Variants in PSMA4 observed in about 807,000 individuals in gnomAD.
PSMA4 encodes the protein proteasome 20S subunit alpha 4.
In PSMA4, 8 loss-of-function variants were observed where a neutral mutation model predicts 37.2. The observed-to-expected ratio is 0.22, with a 90% CI of 0.13 to 0.39. The LOEUF (loss-of-function observed/expected upper bound fraction) is 0.39. Ranked by LOEUF, PSMA4 falls within the 10% of genes least tolerant of loss-of-function variation. The pLI, the probability that PSMA4 is intolerant of heterozygous loss-of-function variation, is 1.00. For synonymous variants in PSMA4, 93 were observed against 98.8 expected (o/e 0.94, Z 0.35); for missense variants, 169 against 305.1 (o/e 0.55, Z 3.32).
chr15:78,544,319 CT>C (rs751005514), intron 5 of PSMA4, 52 bp downstream of exon 5: 187,321 of 1,015,902 alleles, frequency 0.18, 4 homozygotes, highest in South Asian at 0.21. Context: ...TTTGATGTTT[CT>C]TTTTTTTTTT....
At chr15:78,547,847 A>AT (rs2052581375) in intron 8 of PSMA4, among the ~76,000 whole-genome samples, 1 of 152,086 alleles carries the variant, frequency 6.6e-6, no homozygotes, top group Non-Finnish European at 1.5e-5. Context: ...AAAAAAAAAA[A>AT]GAATATTTCT....
In PSMA4 at chr15:78,544,850, G is replaced by A; in HGVS notation, c.288-19G>A. The stretch of plus-strand genomic sequence containing the variant: ...GTGTTTTAGAGAAAACTACTAATGT[G>A]CCCATCTCTTTATCCTAGGTATTTA... On this transcript the variant is annotated intron_variant, in intron 5 of 8. Transcript: ENST00000044462. The A allele has an allele frequency of 6.6e-7, 1 of 1,520,184 alleles. No individual in the cohort carries two copies. The highest frequency in any genetic ancestry group is 9.1e-7 in the Non-Finnish European group (1 of 1,098,898). 94.2% of individuals were successfully genotyped at this position (1,520,184 alleles called of 1,614,324 possible).
At position 78,550,534 on chromosome 15, in the gene PSMA4, G is replaced by A. The variant is rs1193040127; in HGVS notation, c.*1590G>A. 2 of 151,860 alleles carry A rather than the reference G, an allele frequency of 1.3e-5. No homozygotes were observed. The highest frequency in any genetic ancestry group is 1.3e-4 in the Admixed American group (2 of 15,224). The allele number at this position is 151,860 out of a possible 1,614,324, so 9.4% of individuals were successfully genotyped here. On this transcript the variant is annotated 3_prime_UTR_variant, in exon 9 of 9. Coordinates refer to ENST00000044462, the MANE Select transcript of PSMA4 (RefSeq NM_002789.6). ...CGGTGAGCAGGGAAGGTCTCACCAT[G>A]TTTCCCATGCCGGTCTCAAGCTCCT...
At chr15:78,547,528 T>G (rs967177685) in intron 8 of PSMA4, among the ~76,000 whole-genome samples, 2 of 152,190 alleles carry the variant, frequency 1.3e-5, no homozygotes, top group Non-Finnish European at 2.9e-5. Flanking sequence ...CAACTTAAGC[T>G]ATATGACTAT....
At position 78,551,194 on chromosome 15, in the gene PSMA4, G is replaced by GTACTACT. The variant is rs1384176292; in HGVS notation, c.*2251_*2257dup. On this transcript the variant is annotated 3_prime_UTR_variant, in exon 9 of 9. Transcript: ENST00000044462. ...CAGTGATCCTTTCAAAATGTAAACG[G>GTACTACT]TACTACTGCACAGTTTTGGCTCAAA... is the stretch of plus-strand genomic sequence containing the variant. The GTACTACT allele has an allele frequency of 6.6e-6, 1 of 152,086 alleles. No homozygotes were observed. Among genetic ancestry groups the GTACTACT allele is most frequent in the Non-Finnish European group, 1.5e-5 (1 of 68,066 alleles). 9.4% of individuals were successfully genotyped at this position (152,086 alleles called of 1,614,324 possible).
intron 8 of PSMA4, among the ~76,000 whole-genome samples, chr15:78,547,276 A>T (rs1278922816): frequency 2.6e-5 from 4 of 152,216 alleles, no homozygotes; most frequent in Non-Finnish European, 4.4e-5. Context: ...CTCATTACTC[A>T]CAGATAGACA....
chr15:78,543,497 C>G (rs1231487913), intron 4 of PSMA4, among the ~76,000 whole-genome samples: 1 of 152,104 alleles, frequency 6.6e-6, no homozygotes, highest in Non-Finnish European at 1.5e-5. Context: ...TGCCATTGTC[C>G]CCTGTCACCT....
chr15:78,552,034 T>A lies in PSMA4; in HGVS notation c.*3090T>A, dbSNP rs1044417236. 6.6e-6 allele frequency: 1 copy of A among 151,952 alleles called. No homozygotes were observed. Among genetic ancestry groups the A allele is most frequent in the East Asian group, 1.9e-4 (1 of 5,176 alleles). 9.4% of individuals were successfully genotyped at this position (151,952 alleles called of 1,614,324 possible). ...GCAAAAGCTACTCTTTAACTGTGAGTTTTTTTTCCTTGCGATGGGGTTTGG... is the reference window on the plus strand; with the variant it reads ...GCAAAAGCTACTCTTTAACTGTGAGATTTTTTTCCTTGCGATGGGGTTTGG... On this transcript the variant is annotated 3_prime_UTR_variant, in exon 9 of 9. Transcript: ENST00000044462.
chr15:78,545,664 A>G lies in PSMA4; in HGVS notation c.407A>G (p.Tyr136Cys). ...GKRPFGVSLL[Y>C]IGWDKHYGFQ... is the part of the protein sequence containing the mutation. The stretch of plus-strand genomic sequence containing the variant: ...CGTCCCTTTGGTGTTTCATTGCTGT[A>G]CATTGGCTGGGATAAGCACTATGGC... The change falls in exon 7 of 9, where the codon TAC (tyrosine) becomes TGC (cysteine). Residue 136 changes from tyrosine (Y) to cysteine (C), a missense_variant. Around this residue, in one of 2 missense-constraint regions of PSMA4, gnomAD observed 79 missense variants for 212.4 expected, o/e 0.37. Coordinates refer to ENST00000044462, the MANE Select transcript of PSMA4 (RefSeq NM_002789.6). 6.2e-7 allele frequency: 1 copy of G among 1,614,130 alleles called. No homozygotes were observed. Among genetic ancestry groups the G allele is most frequent in the Non-Finnish European group, 8.5e-7 (1 of 1,179,946 alleles).
chr15:78,542,768 C>A, intron 4 of PSMA4, 123 bp downstream of exon 4: 1 of 944,698 alleles, frequency 1.1e-6, no homozygotes, highest in Non-Finnish European at 1.5e-6. Context: ...CTTTATTTTG[C>A]TTGAAACCTC....
chr15:78,544,696 C>T (rs2052520689), intron 5 of PSMA4, 173 bp from the exon 6 acceptor site: 3 of 493,578 alleles, frequency 6.1e-6, no homozygotes, highest in Middle Eastern at 2.9e-4. Flanking sequence ...ACCAAACTTA[C>T]AAAATATTAT....
At position 78,542,702 on chromosome 15, in the gene PSMA4, G is replaced by A. The variant is rs1034652716; in HGVS notation, c.209+57G>A. On this transcript the variant is annotated intron_variant, in intron 4 of 8. Transcript: ENST00000044462. ...AAATCTCACTTTCTCACATAAGTGGGATCTATGTAATTTGGGAGGGCTCTT... is the reference window on the plus strand; with the variant it reads ...AAATCTCACTTTCTCACATAAGTGGAATCTATGTAATTTGGGAGGGCTCTT... 15 of 1,488,626 alleles carry A rather than the reference G, an allele frequency of 1.0e-5. No individual in the cohort carries two copies. The East Asian group carries it at 3.2e-4, about 31-fold the overall frequency. The allele number at this position is 1,488,626 out of a possible 1,614,324, so 92.2% of individuals were successfully genotyped here.
intron 5 of PSMA4, 105 bp from the exon 6 acceptor site, chr15:78,544,757 AAATGACT>A: frequency 1.6e-6 from 1 of 611,320 alleles, no homozygotes. Context: ...TTCAAATTAC[AAATGACT>A]GTTAGGTTGT....
Position 78,549,239 on chromosome 15 carries a change from C to A in PSMA4, c.*295C>A. 4.4e-6 allele frequency: 1 copy of A among 225,004 alleles called. No homozygotes were observed. Among genetic ancestry groups the A allele is most frequent in the Non-Finnish European group, 8.2e-6 (1 of 121,728 alleles). 13.9% of individuals were successfully genotyped at this position (225,004 alleles called of 1,614,324 possible). Reference sequence around the variant, plus strand: ...GCAGTAATTGTTAAATATACAAAAACTGACAGGGCGATTACTTTTTGCACA... The same window carrying A: ...GCAGTAATTGTTAAATATACAAAAAATGACAGGGCGATTACTTTTTGCACA... On this transcript the variant is annotated 3_prime_UTR_variant, in exon 9 of 9. Transcript: ENST00000044462.
intron 6 of PSMA4, among the ~76,000 whole-genome samples, chr15:78,545,419 T>C (rs1175805733): frequency 1.3e-5 from 2 of 152,244 alleles, no homozygotes; most frequent in Non-Finnish European, 2.9e-5. Context: ...AATTCAGCAC[T>C]GGTCCTTTGT....
At position 78,550,176 on chromosome 15, in the gene PSMA4, T is replaced by C. The variant is rs1396934586; in HGVS notation, c.*1232T>C. 6.6e-6 allele frequency: 1 copy of C among 152,228 alleles called. No individual in the cohort carries two copies. The allele number at this position is 152,228 out of a possible 1,614,324, so 9.4% of individuals were successfully genotyped here. A position where few individuals can be genotyped will look rare whatever the true frequency, so the allele number is the denominator to read the frequency against. Reference sequence around the variant, plus strand: ...GAACTCTTGCACCTAGAGAAAGTACTGGGTTAGGGTCCTACAAGCCACTGG... The same window carrying C: ...GAACTCTTGCACCTAGAGAAAGTACCGGGTTAGGGTCCTACAAGCCACTGG... On this transcript the variant is annotated 3_prime_UTR_variant, in exon 9 of 9. Transcript: ENST00000044462.
intron 4 of PSMA4, 54 bp from the exon 5 acceptor site, chr15:78,544,134 AAC>A: frequency 7.5e-7 from 1 of 1,331,462 alleles, no homozygotes. Flanking sequence ...AATACTTATA[AAC>A]ACTCCTTGCA....
At position 78,551,639 on chromosome 15, in the gene PSMA4, A is replaced by G. The variant is rs1166468112; in HGVS notation, c.*2695A>G. On this transcript the variant is annotated 3_prime_UTR_variant, in exon 9 of 9. Transcript: ENST00000044462. ...CTGGAATACAGACTTCCAGAGCAGTACTTTGTTTTCATTCAATAGTCGTGT... is the reference window on the plus strand; with the variant it reads ...CTGGAATACAGACTTCCAGAGCAGTGCTTTGTTTTCATTCAATAGTCGTGT... 6.6e-6 allele frequency: 1 copy of G among 151,892 alleles called. No homozygotes were observed. The highest frequency in any genetic ancestry group is 1.5e-5 in the Non-Finnish European group (1 of 67,996). The allele number at this position is 151,892 out of a possible 1,614,324, so 9.4% of individuals were successfully genotyped here.
intron 8 of PSMA4, among the ~76,000 whole-genome samples, chr15:78,547,827 ACT>A (rs779453333): frequency 2.6e-4 from 40 of 151,186 alleles, no homozygotes; most frequent in Non-Finnish European, 3.7e-4. Flanking sequence ...ACAGAGAGAG[ACT>A]CTGTCTCAAA....
Sources: gnomAD v4.1 joint callset for allele counts (sites outside exome capture counted in the v4.1 genomes callset) on GRCh38, gnomAD v4.1.1 for gene constraint, gnomAD v4.1.1 regional missense constraint, MANE v1.5 for transcripts, NCBI Gene and HGNC (gene_info 2026-07-23, HGNC 2026-07-21) for gene names.